PXK: variants seen among roughly 807,000 people sequenced by gnomAD.
PXK encodes the protein PX domain containing serine/threonine kinase like, also known as PX domain-containing protein kinase-like protein.
In PXK, 35 loss-of-function variants were observed where a neutral mutation model predicts 84.7. The observed-to-expected ratio is 0.41, with a 90% CI of 0.32 to 0.55. The LOEUF (loss-of-function observed/expected upper bound fraction) is 0.55. Ranked by LOEUF, PXK falls within the 20% of genes least tolerant of loss-of-function variation. The pLI, the probability that PXK is intolerant of heterozygous loss-of-function variation, is 0.21. For synonymous variants in PXK, 253 were observed against 260.8 expected (o/e 0.97, Z 0.29); for missense variants, 634 against 699.7 (o/e 0.91, Z 1.06).
Position 58,399,346 on chromosome 3 carries a change from A to C in PXK, c.1150A>C (p.Met384Leu), listed in dbSNP as rs1345491526. ...GTCTTGTGAAGCCTGTAAAAATGGC[A>C]TGCCTACCATCTCCCGGCTCTTACA... ...TLSCEACKNG[M>L]PTISRLLQMP... The change falls in exon 12 of 18, where the codon ATG becomes CTG. Residue 384 changes from methionine (M) to leucine (L), a missense_variant. Met to Leu is a conservative substitution (Grantham distance 15). Around this residue, in one of 3 missense-constraint regions of PXK, gnomAD observed 273 missense variants for 283.6 expected, o/e 0.96. Coordinates refer to ENST00000356151, the MANE Select transcript of PXK (RefSeq NM_017771.5). The surrounding 1 kb of genome is among the most constrained non-coding windows in gnomAD (Gnocchi z 4.3). 1 of 1,614,124 alleles carries C rather than the reference A, an allele frequency of 6.2e-7. No homozygotes were observed.
intron 1 of PXK, among the ~76,000 whole-genome samples, chr3:58,338,808 G>T (rs2097672657): frequency 6.6e-6 from 1 of 150,810 alleles, no homozygotes; most frequent in South Asian, 2.1e-4. Flanking sequence ...TCAGCCTCCC[G>T]AGTAGATGGG....
In PXK at chr3:58,421,724, C is replaced by A. The variant is rs1311184005; in HGVS notation, c.1529-3028C>A. 7 of 985,328 alleles carry A rather than the reference C, an allele frequency of 7.1e-6. No homozygotes were observed. Among genetic ancestry groups the A allele is most frequent in the Non-Finnish European group, 8.4e-6 (7 of 829,938 alleles). 61.0% of individuals were successfully genotyped at this position (985,328 alleles called of 1,614,324 possible). A position where few individuals can be genotyped will look rare whatever the true frequency, so the allele number is the denominator to read the frequency against. ...GCCCTCTGACAGGGCCTCTGCTGGA[C>A]TGCCAGGTTCCCGTGTGGTTTGGTG... On this transcript the variant is annotated intron_variant, in intron 17 of 17. Coordinates refer to ENST00000356151, the MANE Select transcript of PXK (RefSeq NM_017771.5). The surrounding 1 kb of genome is among the most constrained non-coding windows in gnomAD (Gnocchi z 5.5).
intron 3 of PXK, among the ~76,000 whole-genome samples, chr3:58,380,911 A>G (rs1209247934): frequency 6.6e-6 from 1 of 152,184 alleles, no homozygotes; most frequent in Non-Finnish European, 1.5e-5. Context: ...ACATCCTTAT[A>G]TATGCAAGGT....
At chr3:58,339,316 C>T (rs940970128) in intron 1 of PXK, among the ~76,000 whole-genome samples, 10 of 151,300 alleles carry the variant, frequency 6.6e-5, no homozygotes, top group African/African-American at 1.7e-4. Flanking sequence ...CTGCAATCTC[C>T]GCCTCCCAGG....
In PXK at chr3:58,397,773, C is replaced by A; in HGVS notation, c.1102+51C>A. 3 of 1,409,462 alleles carry A rather than the reference C, an allele frequency of 2.1e-6. No individual in the cohort carries two copies. The highest frequency in any genetic ancestry group is 3.0e-6 in the Non-Finnish European group (3 of 997,696). 87.3% of individuals were successfully genotyped at this position (1,409,462 alleles called of 1,614,324 possible). On this transcript the variant is annotated intron_variant, in intron 11 of 17. Transcript: ENST00000356151. This position sits in a 1 kb window ranked among gnomAD's most constrained non-coding sequence, Gnocchi z 4.7. Reference sequence around the variant, plus strand: ...TCTGGGCCCTAGTAGTGTGCAGAGCCACTCATCCCCTTTCCAGAGTCCAGG... The same window carrying A: ...TCTGGGCCCTAGTAGTGTGCAGAGCAACTCATCCCCTTTCCAGAGTCCAGG...
intron 3 of PXK, among the ~76,000 whole-genome samples, chr3:58,378,510 TTTTGTG>T (rs1335754971): frequency 0.036 from 975 of 26,796 alleles, 9 homozygotes; most frequent in Non-Finnish European, 0.07. Flanking sequence ...TTTTTTTTTT[TTTTGTG>T]TGTGTGTGTG....
chr3:58,356,029 G>A (rs1174631346), intron 1 of PXK, among the ~76,000 whole-genome samples: 1 of 152,208 alleles, frequency 6.6e-6, no homozygotes, highest in African/African-American at 2.4e-5. Context: ...TATTGGGTTA[G>A]GGGCTTAGCA....
chr3:58,390,748 T>G lies in PXK; in HGVS notation c.466+89T>G, dbSNP rs973117923. The G allele has an allele frequency of 4.0e-6, 5 of 1,251,570 alleles. No individual in the cohort carries two copies. The African/African-American group carries it at 6.0e-5, about 15-fold the overall frequency. 77.5% of individuals were successfully genotyped at this position (1,251,570 alleles called of 1,614,324 possible). ...CTTTCTGATACGTATCCCAGGAACA[T>G]GCTTAAATGCAGGTGACTTCTTTTT... is the stretch of plus-strand genomic sequence containing the variant. On this transcript the variant is annotated intron_variant, in intron 5 of 17. Transcript: ENST00000356151. The surrounding 1 kb of genome is among the most constrained non-coding windows in gnomAD (Gnocchi z 4.2).
chr3:58,421,102 G>C lies in PXK; in HGVS notation c.1529-3650G>C. The C allele has an allele frequency of 1.0e-6, 1 of 992,326 alleles. No homozygotes were observed. Among genetic ancestry groups the C allele is most frequent in the Non-Finnish European group, 1.2e-6 (1 of 834,606 alleles). 61.5% of individuals were successfully genotyped at this position (992,326 alleles called of 1,614,324 possible). A position where few individuals can be genotyped will look rare whatever the true frequency, so the allele number is the denominator to read the frequency against. ...CTGCCTGAAGCCAAAGGAGAAGGTG[G>C]TTCTCCCGAGAGCTGGGGGCTTGCC... On this transcript the variant is annotated intron_variant, in intron 17 of 17. Coordinates refer to ENST00000356151, the MANE Select transcript of PXK (RefSeq NM_017771.5). The surrounding 1 kb of genome is among the most constrained non-coding windows in gnomAD (Gnocchi z 5.5).
At chr3:58,406,282 ATT>A (rs56124813) in intron 13 of PXK, among the ~76,000 whole-genome samples, 2 of 144,438 alleles carry the variant, frequency 1.4e-5, no homozygotes. Flanking sequence ...TTTAATTTTA[ATT>A]TTTTTTTTTT....
intron 17 of PXK, chr3:58,420,943 G>A (rs1284801579): frequency 3.2e-5 from 35 of 1,082,196 alleles, no homozygotes; most frequent in Non-Finnish European, 3.9e-5. Context: ...GAAGAGGAAA[G>A]AGTGTTAGGC....
At chr3:58,335,493 G>A (rs188583132) in intron 1 of PXK, among the ~76,000 whole-genome samples, 1 of 152,292 alleles carries the variant, frequency 6.6e-6, no homozygotes, top group East Asian at 1.9e-4. Flanking sequence ...AAATTATTTT[G>A]GAAAGAAGTA....
intron 7 of PXK, among the ~76,000 whole-genome samples, chr3:58,393,602 A>G (rs758917269): frequency 9.9e-5 from 15 of 152,138 alleles, no homozygotes; most frequent in East Asian, 1.9e-4. Flanking sequence ...TCAATCTTCT[A>G]TTGACATTTA....
intron 2 of PXK, among the ~76,000 whole-genome samples, chr3:58,367,970 C>A (rs2098300489): frequency 6.6e-6 from 1 of 152,178 alleles, no homozygotes; most frequent in Admixed American, 6.5e-5. Context: ...TAGGCATGAG[C>A]CACCATGCCT....
At position 58,382,677 on chromosome 3, in the gene PXK, A is replaced by G; in HGVS notation, c.365A>G (p.Asn122Ser). The G allele has an allele frequency of 1.3e-6, 2 of 1,580,372 alleles. No individual in the cohort carries two copies. Among genetic ancestry groups the G allele is most frequent in the Non-Finnish European group, 1.7e-6 (2 of 1,168,910 alleles). The change falls in exon 4 of 18, where the codon AAC (asparagine) becomes AGC (serine). Residue 122 changes from asparagine to serine, a missense_variant. Asn to Ser is a conservative substitution (Grantham distance 46). Transcript: ENST00000356151. Reference protein sequence around the residue: ...CELVKKFLDPNNYSANYTEIA... With the variant: ...CELVKKFLDPSNYSANYTEIA... Reference sequence around the variant, plus strand: ...CTGGTTAAGAAGTTTTTAGATCCAAACAACTATTCCGCAAACTATACTGGT... The same window carrying G: ...CTGGTTAAGAAGTTTTTAGATCCAAGCAACTATTCCGCAAACTATACTGGT...
At chr3:58,356,342 C>G (rs79785719) in intron 1 of PXK, among the ~76,000 whole-genome samples, 2,151 of 152,276 alleles carry the variant, frequency 0.014, 62 homozygotes, top group African/African-American at 0.049. Context: ...CAGGTCTGCC[C>G]TGCAGGGCTG....
chr3:58,392,212 T>C (rs1444735597), intron 7 of PXK, among the ~76,000 whole-genome samples: 1 of 152,116 alleles, frequency 6.6e-6, no homozygotes, highest in African/African-American at 2.4e-5. Flanking sequence ...TTAGATAAGC[T>C]GGGTGAAGAA....
rs1239763985 is a variant in PXK at position 58,390,038 on chromosome 3, C to A, written c.389-544C>A. Among the ~76,000 whole-genome samples the A allele has an allele frequency of 2.1e-5, 3 of 144,260 alleles. No homozygotes were observed. 94.6% of individuals were successfully genotyped at this position (144,260 alleles called of 152,430 possible). The stretch of plus-strand genomic sequence containing the variant: ...AAAAAAAAAAAACAATTTAGCCAGG[C>A]GTGATGGCCCATGCTTGTAGTCCCA... On this transcript the variant is annotated intron_variant, in intron 4 of 17. Coordinates refer to ENST00000356151, the MANE Select transcript of PXK (RefSeq NM_017771.5). The surrounding 1 kb of genome is among the most constrained non-coding windows in gnomAD (Gnocchi z 4.2).
Position 58,397,335 on chromosome 3 carries a change from C to A in PXK, c.984+135C>A. On this transcript the variant is annotated intron_variant, in intron 10 of 17. Coordinates refer to ENST00000356151, the MANE Select transcript of PXK (RefSeq NM_017771.5). The surrounding 1 kb of genome is among the most constrained non-coding windows in gnomAD (Gnocchi z 4.7). ...AGGCCTTGCCCGTCAGCCCTTGCAG[C>A]GTTGCTGTATCTCTGGGAGGCTGAG... is the stretch of plus-strand genomic sequence containing the variant. 1 of 1,103,060 alleles carries A rather than the reference C, an allele frequency of 9.1e-7. No homozygotes were observed. 68.3% of individuals were successfully genotyped at this position (1,103,060 alleles called of 1,614,324 possible).
Sources: allele counts gnomAD v4.1 joint callset (sites outside exome capture counted in the v4.1 genomes callset), GRCh38; gene constraint gnomAD v4.1.1; regional missense constraint gnomAD v4.1.1; non-coding constraint Gnocchi (gnomAD v3.1); transcripts MANE v1.5; gene names NCBI Gene and HGNC (gene_info 2026-07-23, HGNC 2026-07-21).